Variants in ZNF117 observed in about 807,000 individuals in gnomAD.
ZNF117 encodes the protein Krueppel-related zinc finger protein.
ZNF117 carries 37 observed loss-of-function variants against 41.2 expected under a neutral mutation model. The ratio of observed to expected loss-of-function variants is 0.90; its 90% CI spans 0.69 to 1.18. ZNF117 has a LOEUF of 1.18. Among genes scored for constraint, ZNF117 ranks in the 50% most tolerant of loss-of-function variants. The pLI, the probability that ZNF117 is intolerant of heterozygous loss-of-function variation, is 0.00. For missense variants in ZNF117, 546 were observed against 557.5 expected, an observed-to-expected ratio of 0.98 and a Z score of 0.21; for synonymous variants, 186 against 186.6, an observed-to-expected ratio of 1.00 and a Z score of 0.02.
intron 2 of ZNF117, 64 bp downstream of exon 3, chr7:64,981,323 C>G: frequency 6.3e-7 from 1 of 1,587,066 alleles, no homozygotes; most frequent in South Asian, 1.1e-5. Flanking sequence ...ACATTTTAAG[C>G]TGTGGCCTTC....
intron 2 of ZNF117, 136 bp from the exon 4 acceptor site, chr7:64,979,672 A>T: frequency 1.7e-6 from 1 of 573,952 alleles, no homozygotes; most frequent in East Asian, 3.2e-5. Context: ...TAATTCCTTC[A>T]TAGACATATA....
chr7:64,985,374 T>C (rs1294962013), upstream of ZNF117, among the ~76,000 whole-genome samples: 1 of 152,236 alleles, frequency 6.6e-6, no homozygotes, highest in African/African-American at 2.4e-5. Flanking sequence ...GAACTTAGTA[T>C]CTTTTAGTCT....
exon 1 of ZNF117, chr7:64,990,468 G>A (rs1240872937): frequency 1.1e-5 from 2 of 182,914 alleles, no homozygotes; most frequent in East Asian, 3.9e-4. Flanking sequence ...ATCAGGCAGG[G>A]GCAAGTCGGG....
At chr7:64,989,166 T>C (rs1209383031) in intron 1 of ZNF117, among the ~76,000 whole-genome samples, 3 of 110,912 alleles carry the variant, frequency 2.7e-5, no homozygotes, top group Non-Finnish European at 5.9e-5. Context: ...CACACACATA[T>C]ATACACATAT....
exon 3 of ZNF117, chr7:64,975,353 AAAGAT>A (rs958329213): frequency 6.6e-6 from 1 of 152,060 alleles, no homozygotes; most frequent in African/African-American, 2.4e-5. Context: ...AACTAAAATA[AAAGAT>A]ATTTTCACTA....
rs1202054085 is a variant in ZNF117, at chr7:64,976,857, G to C, written c.*1262C>G. The stretch of plus-strand genomic sequence containing the variant: ...AATTTTCTTATGTTTAGTAAAGTTT[G>C]AGATTTAGTTACAAGCATTGCCACA... On this transcript the variant is annotated 3_prime_UTR_variant, in exon 3 of 3. Coordinates refer to ENST00000620222, the Ensembl canonical transcript of ZNF117. 1.8e-5 allele frequency: 8 copies of C among 447,578 alleles called. No individual in the cohort carries two copies. The Admixed American group carries it at 1.9e-4, about 10-fold the overall frequency. The allele number at this position is 447,578 out of a possible 1,614,324, so 27.7% of individuals were successfully genotyped here.
chr7:64,979,272 T>C lies in ZNF117; in HGVS notation c.299A>G (p.Lys100Arg), dbSNP rs1406535549. 3 of 1,593,358 alleles carry C rather than the reference T, an allele frequency of 1.9e-6. No individual in the cohort carries two copies. In the Admixed American group the frequency reaches 5.4e-5, roughly 29 times the overall value. Reference sequence around the variant, plus strand: ...ATGTTTATTTTCAGTATGTCTCATCTTGTGTCTATTTGAATTTGAAATTTT... The same window carrying C: ...ATGTTTATTTTCAGTATGTCTCATCCTGTGTCTATTTGAATTTGAAATTTT... The change falls in exon 3 of 3, where the codon AAG becomes AGG. Residue 100 changes from lysine (K) to arginine (R), a missense_variant. Lys to Arg is a conservative substitution (Grantham distance 26). Transcript: ENST00000620222.
chr7:64,974,215 TTG>T (rs1785831089), downstream of ZNF117: 1 of 151,932 alleles, frequency 6.6e-6, no homozygotes, highest in African/African-American at 2.4e-5. Flanking sequence ...AAAACTTATC[TTG>T]TGTGCAGTAC....
At chr7:64,977,354 G>A in exon 3 of ZNF117, 1 of 410,902 alleles carries the variant, frequency 2.4e-6, no homozygotes, top group South Asian at 1.9e-5. Flanking sequence ...ATGTAGAAAG[G>A]GTTGAAGACT....
At chr7:64,972,989 A>G (rs546284084), downstream of ZNF117, 2 of 152,180 alleles carry the variant, frequency 1.3e-5, no homozygotes, top group Admixed American at 6.5e-5. Context: ...CCCTGTGAAC[A>G]CAATAAATGA....
chr7:64,978,133 T>C, exon 3 of ZNF117: 1 of 1,609,572 alleles, frequency 6.2e-7, no homozygotes, highest in Non-Finnish European at 8.5e-7. Context: ...GTAGAAGCTT[T>C]GCCACATTCA....
chr7:64,989,400 A>G (rs1786203150), intron 1 of ZNF117, among the ~76,000 whole-genome samples: 2 of 142,988 alleles, frequency 1.4e-5, no homozygotes, highest in African/African-American at 5.1e-5. Context: ...ATATATAAAA[A>G]TCAATTCAAG....
downstream of ZNF117, chr7:64,974,194 G>A (rs1444985523): frequency 6.6e-6 from 1 of 151,620 alleles, no homozygotes; most frequent in Non-Finnish European, 1.5e-5. Flanking sequence ...CACAATTTTG[G>A]AAATACATCT....
chr7:64,977,709 G>T (rs1213187047), exon 3 of ZNF117: 2 of 859,092 alleles, frequency 2.3e-6, no homozygotes, highest in Non-Finnish European at 3.7e-6. Flanking sequence ...TAGGTTGAAA[G>T]CTTTGCCACA....
upstream of ZNF117, among the ~76,000 whole-genome samples, chr7:64,984,303 T>C (rs1203996215): frequency 2.0e-5 from 3 of 152,224 alleles, no homozygotes; most frequent in Non-Finnish European, 4.4e-5. Context: ...AACTAATTTT[T>C]GTATTTTTAG....
At chr7:64,984,203 C>T (rs1237476046), upstream of ZNF117, among the ~76,000 whole-genome samples, 1 of 152,268 alleles carries the variant, frequency 6.6e-6, no homozygotes, top group Middle Eastern at 3.4e-3. Context: ...ACAATCTCAG[C>T]TCACTGCAGC....
chr7:64,979,528 A>T (rs1178840873), exon 3 of ZNF117: 1 of 1,479,776 alleles, frequency 6.8e-7, no homozygotes, highest in Non-Finnish European at 9.0e-7. Flanking sequence ...GCAAAATAAT[A>T]AAACATAACT....
chr7:64,982,821 A>G (rs1786059815), upstream of ZNF117, among the ~76,000 whole-genome samples: 1 of 152,222 alleles, frequency 6.6e-6, no homozygotes, highest in South Asian at 2.1e-4. Context: ...AATGAAGAGA[A>G]AAATAATTAT....
chr7:64,975,705 T>C (rs1462719507), exon 3 of ZNF117: 1 of 152,172 alleles, frequency 6.6e-6, no homozygotes, highest in East Asian at 1.9e-4. Context: ...TAAAAATATT[T>C]CTACCTCTTT....
Sources: allele counts gnomAD v4.1 joint callset (sites outside exome capture counted in the v4.1 genomes callset), GRCh38; gene constraint gnomAD v4.1.1; transcripts MANE v1.5; gene names NCBI Gene and HGNC (gene_info 2026-07-23, HGNC 2026-07-21).